Variants in CILK1 observed in about 807,000 individuals in gnomAD.
The protein encoded by CILK1 is ciliogenesis associated kinase 1.
In CILK1, 47 loss-of-function variants were observed where a neutral mutation model predicts 79.2. The observed-to-expected ratio is 0.59, with a 90% CI of 0.47 to 0.76. CILK1 has a LOEUF of 0.76. Among genes scored for constraint, CILK1 ranks in the 30% least tolerant of loss-of-function variants. The pLI, the probability that CILK1 is intolerant of heterozygous loss-of-function variation, is 0.00. For missense variants in CILK1, 660 were observed against 769.5 expected, an observed-to-expected ratio of 0.86 and a Z score of 1.68; for synonymous variants, 266 against 275.9, an observed-to-expected ratio of 0.96 and a Z score of 0.36.
chr6:53,027,462 G>A (rs998629384), intron 5 of CILK1, among the ~76,000 whole-genome samples: 3 of 152,148 alleles, frequency 2.0e-5, no homozygotes, highest in African/African-American at 7.2e-5. Context: ...AAGTATGGCC[G>A]TACTAACTAC....
chr6:53,018,801 A>G (rs1342827139), intron 6 of CILK1, among the ~76,000 whole-genome samples: 3 of 152,250 alleles, frequency 2.0e-5, no homozygotes, highest in African/African-American at 7.2e-5. Flanking sequence ...AGTGGAAGGG[A>G]AAAACTAAGA....
At position 53,029,881 on chromosome 6, in the gene CILK1, C is replaced by T. The variant is rs114154609; in HGVS notation, c.358+1184G>A. On this transcript the variant is annotated intron_variant, in intron 5 of 13. Transcript: ENST00000676107. ...ATTTCTACCTATGCAAAATCAGCTT[C>T]GCCCATCTGTCTGTATATTACAATG... Among the ~76,000 whole-genome samples the T allele has an allele frequency of 7.3e-3, 1,111 of 152,288 alleles. 22 individuals carry two copies. The highest frequency in any genetic ancestry group is 0.025 in the African/African-American group (1,050 of 41,562).
chr6:53,043,334 AT>A (rs1766834750), intron 1 of CILK1, among the ~76,000 whole-genome samples: 2 of 151,206 alleles, frequency 1.3e-5, no homozygotes. Flanking sequence ...ATATATATAT[AT>A]TAAAAAATAA....
rs2127411583 is a variant in CILK1 at position 53,013,853 on chromosome 6, G to A, written c.961C>T (p.Pro321Ser). The change falls in exon 9 of 14, where the codon CCA (proline) becomes TCA (serine). Residue 321 changes from proline (P) to serine (S), a missense_variant. Transcript: ENST00000676107. Reference protein sequence around the residue: ...AGPPPYIKPVPPAQPPAKPHT... With the variant: ...AGPPPYIKPVSPAQPPAKPHT... ...GGCTTGGCTGGTGGCTGGGCAGGTGGGACTGGCTTAATATAAGGAGGTGGG... is the reference window on the plus strand; with the variant it reads ...GGCTTGGCTGGTGGCTGGGCAGGTGAGACTGGCTTAATATAAGGAGGTGGG... 1 of 1,614,016 alleles carries A rather than the reference G, an allele frequency of 6.2e-7. No homozygotes were observed. Among genetic ancestry groups the A allele is most frequent in the Non-Finnish European group, 8.5e-7 (1 of 1,179,960 alleles).
chr6:53,016,056 C>T (rs367731777), intron 8 of CILK1, 27 bp downstream of exon 8: 126 of 1,608,560 alleles, frequency 7.8e-5, no homozygotes, highest in South Asian at 2.0e-4. Context: ...TAGATATGAA[C>T]GTTATAACAA....
intron 3 of CILK1, among the ~76,000 whole-genome samples, chr6:53,034,603 G>A (rs1277619085): frequency 6.6e-6 from 1 of 152,076 alleles, no homozygotes; most frequent in Non-Finnish European, 1.5e-5. Flanking sequence ...TCCACATCAG[G>A]GACTGAGAAA....
At chr6:53,058,849 C>T (rs776277129) in intron 1 of CILK1, among the ~76,000 whole-genome samples, 6 of 151,810 alleles carry the variant, frequency 4.0e-5, no homozygotes, top group Admixed American at 6.6e-5. Context: ...ATCAATAGAA[C>T]GGCTAGGTAC....
Position 53,011,197 on chromosome 6 carries a change from G to A in CILK1, c.1492+572C>T, listed in dbSNP as rs374896461. On this transcript the variant is annotated intron_variant, in intron 11 of 13. Coordinates refer to ENST00000676107, the MANE Select transcript of CILK1 (RefSeq NM_014920.5). Reference sequence around the variant, plus strand: ...TTCCCCTAAACCTGGTCTGGTAGAGGGGCCTCAGACATGCCGCCCAGCTTT... The same window carrying A: ...TTCCCCTAAACCTGGTCTGGTAGAGAGGCCTCAGACATGCCGCCCAGCTTT... Among the ~76,000 whole-genome samples, 12 of 152,202 alleles carry A rather than the reference G, an allele frequency of 7.9e-5. 1 individual carries two copies. The highest frequency in any genetic ancestry group is 2.6e-4 in the African/African-American group (11 of 41,516).
intron 3 of CILK1, among the ~76,000 whole-genome samples, chr6:53,035,108 C>A (rs1766235948): frequency 6.6e-6 from 1 of 152,140 alleles, no homozygotes; most frequent in Admixed American, 6.5e-5. Context: ...GGTGAATCTG[C>A]TGCCTTAAGT....
In CILK1 at chr6:53,018,397, A is replaced by G; in HGVS notation, c.596T>C (p.Leu199Pro). 6.2e-7 allele frequency: 1 copy of G among 1,614,164 alleles called. No individual in the cohort carries two copies. Among genetic ancestry groups the G allele is most frequent in the Non-Finnish European group, 8.5e-7 (1 of 1,180,006 alleles). ...GTCAATTTCACTGGCTCCAGGGAAG[A>G]GTGGCCTGAGGGTGTAAACTTCTGC... is the stretch of plus-strand genomic sequence containing the variant. ...IMAEVYTLRPLFPGASEIDTI... is the reference protein window; with the variant it reads ...IMAEVYTLRPPFPGASEIDTI... Residue 199 changes from leucine (L) to proline (P), a missense_variant, in exon 7 of 14, where the codon CTC becomes CCC. Transcript: ENST00000676107.
chr6:53,042,177 T>G (rs1307680995), intron 1 of CILK1, among the ~76,000 whole-genome samples: 1 of 152,208 alleles, frequency 6.6e-6, no homozygotes, highest in Admixed American at 6.5e-5. Context: ...CTTTACACCG[T>G]TCACTAACCC....
Position 53,032,466 on chromosome 6 carries a change from G to T in CILK1, c.278+67C>A, listed in dbSNP as rs73443355. 1.8e-3 allele frequency: 1,952 copies of T among 1,081,034 alleles called. 30 individuals are homozygous for T. In the African/African-American group the frequency reaches 0.028, roughly 15 times the overall value. 67.0% of individuals were successfully genotyped at this position (1,081,034 alleles called of 1,614,324 possible). ...AAAAGGAGAGAAAGAAAACACAAAA[G>T]CAGAAAGAAAACACATCTGCTTTGC... On this transcript the variant is annotated intron_variant, in intron 4 of 13. Coordinates refer to ENST00000676107, the MANE Select transcript of CILK1 (RefSeq NM_014920.5).
Position 53,050,962 on chromosome 6 carries a change from C to T in CILK1, c.-172-9554G>A, listed in dbSNP as rs374950159. On this transcript the variant is annotated intron_variant, in intron 1 of 13. Coordinates refer to ENST00000676107, the MANE Select transcript of CILK1 (RefSeq NM_014920.5). Reference sequence around the variant, plus strand: ...GTGAAAAATTAACTATAAGGCCCTACGTTCAGTACTGAGATATAAGATCCA... The same window carrying T: ...GTGAAAAATTAACTATAAGGCCCTATGTTCAGTACTGAGATATAAGATCCA... Among the ~76,000 whole-genome samples the T allele has an allele frequency of 1.2e-4, 19 of 152,274 alleles. No individual in the cohort carries two copies. In the South Asian group the frequency reaches 1.9e-3, roughly 15 times the overall value.
intron 5 of CILK1, among the ~76,000 whole-genome samples, chr6:53,026,400 C>T (rs1201209230): frequency 3.9e-5 from 6 of 152,144 alleles, no homozygotes; most frequent in East Asian, 3.9e-4. Flanking sequence ...CCGTCCACCT[C>T]GGCTTCCCAA....
At chr6:53,009,761 G>C (rs1260163669) in intron 11 of CILK1, among the ~76,000 whole-genome samples, 194 bp from the exon 12 acceptor site, 1 of 152,224 alleles carries the variant, frequency 6.6e-6, no homozygotes, top group African/African-American at 2.4e-5. Context: ...TGGCCCGAGA[G>C]AGGCCTCTTA....
At chr6:53,019,164 T>C (rs1378304066) in intron 6 of CILK1, 63 bp downstream of exon 6, 41 of 1,480,334 alleles carry the variant, frequency 2.8e-5, no homozygotes, top group Non-Finnish European at 3.7e-5. Context: ...AATATTATCC[T>C]TAGCATAATG....
intron 5 of CILK1, 142 bp downstream of exon 5, chr6:53,030,923 T>C (rs1765912399): frequency 3.0e-6 from 2 of 667,302 alleles, no homozygotes; most frequent in Non-Finnish European, 5.4e-6. Context: ...AAAGTTAATA[T>C]ATTTTAAAAT....
chr6:53,044,548 G>T (rs1167196937), intron 1 of CILK1, among the ~76,000 whole-genome samples: 1 of 152,124 alleles, frequency 6.6e-6, no homozygotes, highest in Non-Finnish European at 1.5e-5. Context: ...TTCTCAAGTG[G>T]GTAGAACAAA....
In CILK1 at chr6:53,041,340, A is replaced by G; in HGVS notation, c.-104T>C. 1.3e-6 allele frequency: 1 copy of G among 781,642 alleles called. No individual in the cohort carries two copies. The highest frequency in any genetic ancestry group is 2.3e-6 in the Non-Finnish European group (1 of 436,918). 48.4% of individuals were successfully genotyped at this position (781,642 alleles called of 1,614,324 possible). A position where few individuals can be genotyped will look rare whatever the true frequency, so the allele number is the denominator to read the frequency against. ...TGTAACCAGATTTTTCGATGGCAGC[A>G]CCAGCACAAGGTATTCAATAGGACG... On this transcript the variant is annotated 5_prime_UTR_variant, in exon 2 of 14. Coordinates refer to ENST00000676107, the MANE Select transcript of CILK1 (RefSeq NM_014920.5).
Sources: gnomAD v4.1 joint callset for allele counts (sites outside exome capture counted in the v4.1 genomes callset) on GRCh38, gnomAD v4.1.1 for gene constraint, MANE v1.5 for transcripts, NCBI Gene and HGNC (gene_info 2026-07-23, HGNC 2026-07-21) for gene names.